Variants in TUBB4A observed in about 807,000 individuals in gnomAD.
TUBB4A encodes tubulin beta-4A chain.
In TUBB4A, 13 loss-of-function variants were observed where a neutral mutation model predicts 35.1. The ratio of observed to expected loss-of-function variants is 0.37; its 90% CI spans 0.24 to 0.59. The LOEUF (loss-of-function observed/expected upper bound fraction) is 0.59. Ranked by LOEUF, TUBB4A falls within the 20% of genes least tolerant of loss-of-function variation. The pLI, the probability that TUBB4A is intolerant of heterozygous loss-of-function variation, is 0.71. For missense variants in TUBB4A, 299 were observed against 647.2 expected (o/e 0.46, Z 5.84); for synonymous variants, 279 against 272.4 (o/e 1.02, Z -0.24).
chr19:6,502,251 G>T lies in TUBB4A; in HGVS notation c.-39C>A. 1 of 1,490,040 alleles carries T rather than the reference G, an allele frequency of 6.7e-7. No individual in the cohort carries two copies. The allele number at this position is 1,490,040 out of a possible 1,614,324, so 92.3% of individuals were successfully genotyped here. A position where few individuals can be genotyped will look rare whatever the true frequency, so the allele number is the denominator to read the frequency against. ...AGGGTGGACGCGGCGGCGGTGGCACGAGCGCGGGGAGCTGCGGCGGCGGCG... is the reference window on the plus strand; with the variant it reads ...AGGGTGGACGCGGCGGCGGTGGCACTAGCGCGGGGAGCTGCGGCGGCGGCG... On this transcript the variant is annotated 5_prime_UTR_variant, in exon 1 of 4. Coordinates refer to ENST00000264071, the MANE Select transcript of TUBB4A (RefSeq NM_006087.4).
Position 6,501,229 on chromosome 19 carries a change from TG to T in TUBB4A, c.277+57del. The T allele has an allele frequency of 1.4e-6, 2 of 1,442,618 alleles. No individual in the cohort carries two copies. The highest frequency in any genetic ancestry group is 1.9e-6 in the Non-Finnish European group (2 of 1,041,334). The allele number at this position is 1,442,618 out of a possible 1,614,324, so 89.4% of individuals were successfully genotyped here. A position where few individuals can be genotyped will look rare whatever the true frequency, so the allele number is the denominator to read the frequency against. On this transcript the variant is annotated intron_variant, in intron 3 of 3. Transcript: ENST00000264071. The surrounding 1 kb of genome is among the most constrained non-coding windows in gnomAD (Gnocchi z 4.2). ...GCCCCGGTGGTGGCTGTTGACTCTG[TG>T]GTGTTAGCAGGAATAAGGAGGTTTT...
chr19:6,496,763 G>T (rs1309693540), intron 3 of TUBB4A, among the ~76,000 whole-genome samples: 1 of 150,102 alleles, frequency 6.7e-6, no homozygotes. Flanking sequence ...GGAGGCTGCA[G>T]GTAGCCAAGA....
chr19:6,500,761 A>AAG (rs10665094), intron 3 of TUBB4A: 8 of 151,302 alleles, frequency 5.3e-5, no homozygotes, highest in Non-Finnish European at 1.5e-5. Flanking sequence ...AAAAAAAAAA[A>AAG]GAGGATTTTT....
At chr19:6,496,724 G>A (rs966362247) in intron 3 of TUBB4A, among the ~76,000 whole-genome samples, 24 of 150,138 alleles carry the variant, frequency 1.6e-4, no homozygotes, top group African/African-American at 1.5e-4. Context: ...GGGAGGCTGA[G>A]GCAAGAGAAT....
chr19:6,501,250 G>C lies in TUBB4A; in HGVS notation c.277+37C>G, dbSNP rs1255978194. 1.9e-6 allele frequency: 3 copies of C among 1,571,822 alleles called. No homozygotes were observed. In the Admixed American group the frequency reaches 5.1e-5, roughly 27 times the overall value. On this transcript the variant is annotated intron_variant, in intron 3 of 3. Coordinates refer to ENST00000264071, the MANE Select transcript of TUBB4A (RefSeq NM_006087.4). This position sits in a 1 kb window ranked among gnomAD's most constrained non-coding sequence, Gnocchi z 4.2. ...TCTGTGGTGTTAGCAGGAATAAGGA[G>C]GTTTTCCAGCCTCTGGCTCCCTGCT...
chr19:6,496,456 C>T (rs1447104245), intron 3 of TUBB4A: 20 of 411,698 alleles, frequency 4.9e-5, no homozygotes, highest in Non-Finnish European at 6.2e-5. Context: ...GGTGAAACCC[C>T]GTCTCTACTA....
chr19:6,499,926 G>T (rs1914451835), intron 3 of TUBB4A, among the ~76,000 whole-genome samples: 1 of 151,872 alleles, frequency 6.6e-6, no homozygotes, highest in East Asian at 1.9e-4. Context: ...CGAGTAGCTG[G>T]GATTACAGGC....
At position 6,502,227 on chromosome 19, in the gene TUBB4A, G is replaced by C; in HGVS notation, c.-15C>G. ...ATCTCCCGCATGGCGGTGGCGCTGA[G>C]GGTGGACGCGGCGGCGGTGGCACGA... On this transcript the variant is annotated 5_prime_UTR_variant, in exon 1 of 4. Coordinates refer to ENST00000264071, the MANE Select transcript of TUBB4A (RefSeq NM_006087.4). The C allele has an allele frequency of 6.6e-7, 1 of 1,524,516 alleles. No homozygotes were observed. The highest frequency in any genetic ancestry group is 8.7e-7 in the Non-Finnish European group (1 of 1,144,860). 94.4% of individuals were successfully genotyped at this position (1,524,516 alleles called of 1,614,324 possible).
chr19:6,497,917 A>AAAGAAG (rs1158301625), intron 3 of TUBB4A, among the ~76,000 whole-genome samples: 3 of 136,292 alleles, frequency 2.2e-5, no homozygotes, highest in Admixed American at 7.5e-5. Flanking sequence ...AAAAAAAAAA[A>AAAGAAG]AAGAAGAATA....
In TUBB4A at chr19:6,496,016, G is replaced by A. The variant is rs770924510; in HGVS notation, c.483C>T (p.Asp161=). 2.5e-6 allele frequency: 4 copies of A among 1,614,204 alleles called. No homozygotes were observed. The Admixed American group carries it at 6.7e-5, about 27-fold the overall frequency. ...CCACGCTGAAGGTGTTCATGATGCGGTCTGGGAACTCCTCGCGGATCTTAC... is the reference window on the plus strand; with the variant it reads ...CCACGCTGAAGGTGTTCATGATGCGATCTGGGAACTCCTCGCGGATCTTAC... The part of the protein sequence containing the change: ...LISKIREEFP[D]RIMNTFSVVP... The change falls in exon 4 of 4, where the codon GAC becomes GAT. Residue 161 remains aspartate (D), a synonymous_variant. Coordinates refer to ENST00000264071, the MANE Select transcript of TUBB4A (RefSeq NM_006087.4).
chr19:6,502,329 G>A (rs559324622), upstream of TUBB4A: 58 of 1,189,566 alleles, frequency 4.9e-5, no homozygotes, highest in South Asian at 9.0e-4. Flanking sequence ...GCCCCCGGGA[G>A]CCGCTATATG....
At chr19:6,497,333 C>G (rs1269530013) in intron 3 of TUBB4A, among the ~76,000 whole-genome samples, 1 of 151,744 alleles carries the variant, frequency 6.6e-6, no homozygotes, top group Non-Finnish European at 1.5e-5. Context: ...GCAATCATGG[C>G]TCACTGCAGC....
At chr19:6,502,701 C>G (rs1400882516), upstream of TUBB4A, 1 of 156,298 alleles carries the variant, frequency 6.4e-6, no homozygotes, top group Non-Finnish European at 1.4e-5. Context: ...GTCCGCAGCC[C>G]CCCTTCTCAT....
intron 3 of TUBB4A, among the ~76,000 whole-genome samples, chr19:6,500,149 G>T (rs1914464760): frequency 6.6e-6 from 1 of 151,998 alleles, no homozygotes; most frequent in Non-Finnish European, 1.5e-5. Context: ...CTTTTTTAGA[G>T]ATGGGGTCTC....
rs1192524805 is a variant in TUBB4A at position 6,497,024 on chromosome 19, A to AATATATAT, written c.278-811_278-804dup. ...AAAAAAAAAAAAAAAAAAAAAAAAA[A>AATATATAT]ATATATATATATATATATATATATA... On this transcript the variant is annotated intron_variant, in intron 3 of 3. Transcript: ENST00000264071. Among the ~76,000 whole-genome samples, 219 of 21,956 alleles carry AATATATAT rather than the reference A, an allele frequency of 1.0e-2. 3 individuals are homozygous for AATATATAT. Among genetic ancestry groups the AATATATAT allele is most frequent in the Admixed American group, 0.016 (15 of 948 alleles). The allele number at this position is 21,956 out of a possible 152,430, so 14.4% of individuals were successfully genotyped here.
chr19:6,496,886 A>G (rs186859103), intron 3 of TUBB4A, among the ~76,000 whole-genome samples: 1,545 of 141,860 alleles, frequency 0.011, 36 homozygotes, highest in African/African-American at 0.035. Context: ...GACTGGGCAC[A>G]GTGGCTCATG....
Position 6,502,188 on chromosome 19 carries a change from C to G in TUBB4A, c.25G>C (p.Ala9Pro), listed in dbSNP as rs1460895373. ...CCGATCTGGTTGCCGCACTGGCCGG[C>G]CTGCAGGTGCACGATCTCCCGCATG... MREIVHLQ[A>P]GQCGNQIGAK... The change falls in exon 1 of 4, where the codon GCC becomes CCC. Residue 9 changes from alanine to proline, a missense_variant. By Grantham distance (27) the Ala-to-Pro change is conservative (BLOSUM62 -1). Around this residue, in one of 5 missense-constraint regions of TUBB4A, gnomAD observed 123 missense variants for 226.0 expected, o/e 0.54. Coordinates refer to ENST00000264071, the MANE Select transcript of TUBB4A (RefSeq NM_006087.4). 1 of 1,574,204 alleles carries G rather than the reference C, an allele frequency of 6.4e-7. No homozygotes were observed. Among genetic ancestry groups the G allele is most frequent in the African/African-American group, 1.4e-5 (1 of 71,690 alleles).
intron 3 of TUBB4A, chr19:6,496,481 A>G (rs1189305702): frequency 2.9e-6 from 1 of 345,096 alleles, no homozygotes; most frequent in African/African-American, 2.1e-5. Flanking sequence ...TACAAAAAAA[A>G]TTAGCCGGGA....
Position 6,496,097 on chromosome 19 carries a change from C to T in TUBB4A, c.402G>A (p.Gln134=), listed in dbSNP as rs753210565. 1 of 1,614,204 alleles carries T rather than the reference C, an allele frequency of 6.2e-7. No individual in the cohort carries two copies. Among genetic ancestry groups the T allele is most frequent in the Non-Finnish European group, 8.5e-7 (1 of 1,180,032 alleles). The change falls in exon 4 of 4, where the codon CAG becomes CAA. Residue 134 remains glutamine (Q), a synonymous_variant. Transcript: ENST00000264071. ...TGCCACCCCCCAGCGAGTGGGTCAG[C>T]TGGAAGCCCTGAAGGCAGTCGCAGC... ...AESCDCLQGF[Q]LTHSLGGGTG...
Sources: gnomAD v4.1 joint callset for allele counts (sites outside exome capture counted in the v4.1 genomes callset) on GRCh38, gnomAD v4.1.1 for gene constraint, gnomAD v4.1.1 regional missense constraint, Gnocchi (gnomAD v3.1) non-coding constraint, MANE v1.5 for transcripts, NCBI Gene and HGNC (gene_info 2026-07-23, HGNC 2026-07-21) for gene names.